SNAPC1: variants seen among roughly 807,000 people sequenced by gnomAD.
SNAPC1 encodes small nuclear RNA activating complex polypeptide 1, also known as snRNA-activating protein complex subunit 1.
In SNAPC1, 42 loss-of-function variants were observed where a neutral mutation model predicts 50.1. The observed-to-expected ratio is 0.84, with a 90% CI of 0.65 to 1.08. The LOEUF is 1.08. SNAPC1 is among the 50% of genes least tolerant of loss of function. The pLI is 0.00. For synonymous variants in SNAPC1, 164 were observed against 144.2 expected (o/e 1.14, Z -0.98); for missense variants, 477 against 427.3 (o/e 1.12, Z -1.02).
chr14:61,765,510 A>G (rs984112341), intron 1 of SNAPC1, among the ~76,000 whole-genome samples: 1 of 152,216 alleles, frequency 6.6e-6, no homozygotes, highest in African/African-American at 2.4e-5. Context: ...AAAGGCAGGA[A>G]GACTGGAAGT....
intron 4 of SNAPC1, among the ~76,000 whole-genome samples, chr14:61,775,810 T>C (rs1345598174): frequency 6.6e-6 from 1 of 152,206 alleles, no homozygotes; most frequent in South Asian, 2.1e-4. Context: ...GAATTTTATG[T>C]TAACTGATTT....
chr14:61,794,555 A>G (rs1250736768), intron 9 of SNAPC1, among the ~76,000 whole-genome samples: 6 of 152,038 alleles, frequency 3.9e-5, no homozygotes, highest in Non-Finnish European at 8.8e-5. Flanking sequence ...ATAGACATGT[A>G]CCACCACGCC....
chr14:61,775,156 T>C (rs1462084837), intron 4 of SNAPC1, among the ~76,000 whole-genome samples: 1 of 152,150 alleles, frequency 6.6e-6, no homozygotes, highest in Non-Finnish European at 1.5e-5. Flanking sequence ...GTCTTTTTCC[T>C]TACCCCACAG....
At position 61,762,425 on chromosome 14, in the gene SNAPC1, C is replaced by T. The variant is rs191530091; in HGVS notation, c.-36C>T. 1,483 of 1,604,140 alleles carry T rather than the reference C, an allele frequency of 9.2e-4. 21 individuals carry two copies. In the Admixed American group the frequency reaches 0.019, roughly 21 times the overall value. ...CCACCGCTGGCTAGTCCGTTAGAGG[C>T]GTGCGGGCTTCGGAGGCGTGCGGGC... On this transcript the variant is annotated 5_prime_UTR_variant, in exon 1 of 10. Transcript: ENST00000216294.
chr14:61,779,405 T>C (rs2045056003), intron 7 of SNAPC1, among the ~76,000 whole-genome samples: 5 of 152,050 alleles, frequency 3.3e-5, no homozygotes, highest in Admixed American at 6.5e-5. Context: ...CTTCAGCTTT[T>C]CTTATTTTTC....
At chr14:61,773,222 A>G (rs2045006464) in intron 4 of SNAPC1, among the ~76,000 whole-genome samples, 1 of 152,162 alleles carries the variant, frequency 6.6e-6, no homozygotes, top group African/African-American at 2.4e-5. Flanking sequence ...GCCCGCTGCT[A>G]TGTAAGTAGG....
chr14:61,782,135 G>A (rs2045079555), intron 7 of SNAPC1, 112 bp from the exon 8 acceptor site: 3 of 833,128 alleles, frequency 3.6e-6, no homozygotes, highest in African/African-American at 1.7e-5. Flanking sequence ...CTTTATGACA[G>A]ATATTTCTGT....
In SNAPC1 at chr14:61,792,829, G is replaced by A. The variant is rs1175040068; in HGVS notation, c.999G>A (p.Lys333=). 2 of 1,583,230 alleles carry A rather than the reference G, an allele frequency of 1.3e-6. No homozygotes were observed. The highest frequency in any genetic ancestry group is 1.7e-6 in the Non-Finnish European group (2 of 1,159,690). Residue 333 remains lysine (K), a synonymous_variant, in exon 9 of 10, where the codon AAG becomes AAA. Coordinates refer to ENST00000216294, the MANE Select transcript of SNAPC1 (RefSeq NM_003082.4). ...RNKGNVQNIH[K]EDKPLSLSMP... ...TAGGCAATGTGCAGAATATACACAA[G>A]GAAGATAAACCTTTAAGTCTGAGTA...
chr14:61,771,640 A>G lies in SNAPC1; in HGVS notation c.534+2900A>G, dbSNP rs142992098. ...TAGAGATTGGAGAGACATAATGTTTATGTTTGGAGTTGAGGTAAGGAGCTA... is the reference window on the plus strand; with the variant it reads ...TAGAGATTGGAGAGACATAATGTTTGTGTTTGGAGTTGAGGTAAGGAGCTA... On this transcript the variant is annotated intron_variant, in intron 4 of 9. Transcript: ENST00000216294. Among the ~76,000 whole-genome samples the G allele has an allele frequency of 3.6e-3, 547 of 152,260 alleles. 1 individual carries two copies. Among genetic ancestry groups the G allele is most frequent in the Non-Finnish European group, 5.9e-3 (404 of 68,016 alleles).
intron 8 of SNAPC1, among the ~76,000 whole-genome samples, chr14:61,792,441 A>G (rs954086966): frequency 6.6e-6 from 1 of 152,222 alleles, no homozygotes; most frequent in Non-Finnish European, 1.5e-5. Flanking sequence ...CAAAAATTAC[A>G]TTTGTAATTA....
rs1365995654 is a variant in SNAPC1, at chr14:61,762,504, T to C, written c.44T>C (p.Leu15Pro). ...CTGCAGACCGACTGCGAGGCGCTGCTCAGCCGCTTCCAGGAGACGGACAGT... is the reference window on the plus strand; with the variant it reads ...CTGCAGACCGACTGCGAGGCGCTGCCCAGCCGCTTCCAGGAGACGGACAGT... ...PGLQTDCEALLSRFQETDSVR... is the reference protein window; with the variant it reads ...PGLQTDCEALPSRFQETDSVR... The change falls in exon 1 of 10, where the codon CTC (leucine) becomes CCC (proline). Residue 15 changes from leucine (L) to proline (P), a missense_variant. Coordinates refer to ENST00000216294, the MANE Select transcript of SNAPC1 (RefSeq NM_003082.4). 1 of 1,426,678 alleles carries C rather than the reference T, an allele frequency of 7.0e-7. No individual in the cohort carries two copies. The allele number at this position is 1,426,678 out of a possible 1,614,324, so 88.4% of individuals were successfully genotyped here. A position where few individuals can be genotyped will look rare whatever the true frequency, so the allele number is the denominator to read the frequency against.
chr14:61,788,939 A>C lies in SNAPC1; in HGVS notation c.977-3868A>C, dbSNP rs181053105. On this transcript the variant is annotated intron_variant, in intron 8 of 9. Coordinates refer to ENST00000216294, the MANE Select transcript of SNAPC1 (RefSeq NM_003082.4). ...ACAAAGGAATACTTTGCAGTTACTAAAAAGCTAGGGAGGCTGGGCACGGTG... is the reference window on the plus strand; with the variant it reads ...ACAAAGGAATACTTTGCAGTTACTACAAAGCTAGGGAGGCTGGGCACGGTG... 3.9e-4 allele frequency among the ~76,000 whole-genome samples: 60 copies of C among 152,350 alleles called. 1 individual carries two copies. Among genetic ancestry groups the C allele is most frequent in the African/African-American group, 1.4e-3 (57 of 41,584 alleles).
rs2044955241 is a variant in SNAPC1 at position 61,767,267 on chromosome 14, T to G, written c.344T>G (p.Val115Gly). The G allele has an allele frequency of 2.0e-6, 3 of 1,531,846 alleles. No homozygotes were observed. Among genetic ancestry groups the G allele is most frequent in the Non-Finnish European group, 2.6e-6 (3 of 1,137,768 alleles). The allele number at this position is 1,531,846 out of a possible 1,614,324, so 94.9% of individuals were successfully genotyped here. ...GTTTTAAAATTTCAGCAAGATTTAG[T>G]AAATGCACAGCATTTTGATGCAGCT... ...DEVLKFQQDL[V>G]NAQHFDAAYI... Residue 115 changes from valine (V) to glycine (G), a missense_variant, in exon 3 of 10, where the codon GTA becomes GGA. By Grantham distance (109) the Val-to-Gly change is moderately radical (BLOSUM62 -3). Coordinates refer to ENST00000216294, the MANE Select transcript of SNAPC1 (RefSeq NM_003082.4).
At chr14:61,768,793 C>T in intron 4 of SNAPC1, 53 bp downstream of exon 4, 3 of 916,346 alleles carry the variant, frequency 3.3e-6, no homozygotes, top group Non-Finnish European at 5.3e-6. Flanking sequence ...TTATTGCCAA[C>T]TACATATTGA....
intron 7 of SNAPC1, among the ~76,000 whole-genome samples, chr14:61,781,714 C>A (rs545030934): frequency 6.6e-6 from 1 of 152,296 alleles, no homozygotes; most frequent in African/African-American, 2.4e-5. Flanking sequence ...GCTTCCAAGG[C>A]AAGAAAGAAT....
rs1225051014 is a variant in SNAPC1 at position 61,762,439 on chromosome 14, A to C, written c.-22A>C. The stretch of plus-strand genomic sequence containing the variant: ...TCCGTTAGAGGCGTGCGGGCTTCGG[A>C]GGCGTGCGGGCTTCGGGTGCCATGG... On this transcript the variant is annotated 5_prime_UTR_variant, in exon 1 of 10. Transcript: ENST00000216294. 1 of 1,609,634 alleles carries C rather than the reference A, an allele frequency of 6.2e-7. No homozygotes were observed. The highest frequency in any genetic ancestry group is 2.2e-5 in the East Asian group (1 of 44,790).
intron 1 of SNAPC1, among the ~76,000 whole-genome samples, chr14:61,765,961 G>A (rs2044945464): frequency 6.6e-6 from 1 of 152,166 alleles, no homozygotes; most frequent in South Asian, 2.1e-4. Context: ...GAGATTTAGT[G>A]CAAATCCCTG....
chr14:61,794,908 T>G, intron 9 of SNAPC1, 41 bp from the exon 10 acceptor site: 7 of 1,429,386 alleles, frequency 4.9e-6, no homozygotes, highest in Non-Finnish European at 5.9e-6. Flanking sequence ...GTTTTTTTTT[T>G]GTTTTTAGAT....
chr14:61,768,453 A>G (rs1273613590), intron 3 of SNAPC1, among the ~76,000 whole-genome samples, 183 bp from the exon 4 acceptor site: 1 of 152,222 alleles, frequency 6.6e-6, no homozygotes, highest in Non-Finnish European at 1.5e-5. Context: ...ATGGCATGTG[A>G]GAGGATACTT....
Sources: gnomAD v4.1 joint callset for allele counts (sites outside exome capture counted in the v4.1 genomes callset) on GRCh38, gnomAD v4.1.1 for gene constraint, MANE v1.5 for transcripts, NCBI Gene and HGNC (gene_info 2026-07-23, HGNC 2026-07-21) for gene names.